The following PLS1 variants were observed in gnomAD, a reference collection of about 807,000 sequenced individuals.
PLS1 encodes plastin 1, also known as plastin-1.
In PLS1, 32 loss-of-function variants were observed where a neutral mutation model predicts 73.7. The observed-to-expected ratio is 0.43, with a 90% CI of 0.33 to 0.58. The LOEUF (loss-of-function observed/expected upper bound fraction) is 0.58, where lower values mean the gene tolerates loss of function less well. PLS1 is among the 20% of genes least tolerant of loss of function. The probability of loss-of-function intolerance (pLI) is 0.04; values close to 1 mark genes in which losing one functional copy is unlikely to be tolerated. For missense variants in PLS1, 633 were observed against 740.5 expected, an observed-to-expected ratio of 0.85 and a Z score of 1.68; for synonymous variants, 217 against 261.3, an observed-to-expected ratio of 0.83 and a Z score of 1.63.
Position 142,600,982 on chromosome 3 carries a change from G to GGC in PLS1, c.-37+4476_-37+4477dup, listed in dbSNP as rs1379731560. On this transcript the variant is annotated intron_variant, in intron 1 of 15. Coordinates refer to ENST00000457734, the MANE Select transcript of PLS1 (RefSeq NM_001145319.2). ...TCTGTGGCCCAGGCGGGAGTGCAGTGGCGCAATCTCGGCTCACTGCAAGCT... is the reference window on the plus strand; with the variant it reads ...TCTGTGGCCCAGGCGGGAGTGCAGTGGCGCGCAATCTCGGCTCACTGCAAGCT... Among the ~76,000 whole-genome samples, 198 of 131,670 alleles carry GGC rather than the reference G, an allele frequency of 1.5e-3. 1 individual carries two copies. The highest frequency in any genetic ancestry group is 5.2e-3 in the African/African-American group (181 of 34,764). 86.4% of individuals were successfully genotyped at this position (131,670 alleles called of 152,430 possible).
At chr3:142,668,901 C>A (rs78431202) in intron 2 of PLS1, among the ~76,000 whole-genome samples, 71 of 152,142 alleles carry the variant, frequency 4.7e-4, no homozygotes, top group Admixed American at 3.7e-3. Flanking sequence ...TGCGCCTGGC[C>A]CCCCCCATGC....
chr3:142,600,908 ATATATATATTTTTTTTTT>A (rs1238142589), intron 1 of PLS1, among the ~76,000 whole-genome samples: 4 of 27,530 alleles, frequency 1.5e-4, no homozygotes, highest in African/African-American at 1.0e-3. Flanking sequence ...ATATATATAT[ATATATATATTTTTTTTTT>A]TTTTTTTTTT....
intron 2 of PLS1, among the ~76,000 whole-genome samples, chr3:142,668,520 A>G (rs1353737403): frequency 1.3e-5 from 2 of 152,058 alleles, no homozygotes; most frequent in African/African-American, 4.8e-5. Context: ...TGGGGTCAGC[A>G]GATTTATTTT....
intron 1 of PLS1, among the ~76,000 whole-genome samples, chr3:142,605,669 T>C (rs1439633156): frequency 6.6e-6 from 1 of 152,260 alleles, no homozygotes; most frequent in Non-Finnish European, 1.5e-5. Context: ...CTTCTGTTAC[T>C]GACCATATGA....
intron 10 of PLS1, among the ~76,000 whole-genome samples, chr3:142,690,564 T>C (rs919071758): frequency 1.1e-4 from 16 of 152,326 alleles, no homozygotes; most frequent in Admixed American, 2.6e-4. Context: ...TGATGGGATA[T>C]TGTAGTTGTA....
chr3:142,659,838 A>C (rs2037328427), intron 1 of PLS1, among the ~76,000 whole-genome samples: 1 of 152,122 alleles, frequency 6.6e-6, no homozygotes, highest in Non-Finnish European at 1.5e-5. Context: ...CTGGGATTAC[A>C]GGTGTGTGCC....
chr3:142,686,232 C>T (rs2037961589), intron 8 of PLS1, 52 bp from the exon 9 acceptor site: 8 of 1,065,160 alleles, frequency 7.5e-6, no homozygotes, highest in Non-Finnish European at 1.0e-5. Flanking sequence ...TCCCTAAATT[C>T]AATGATGATT....
chr3:142,649,270 A>G (rs2037026590), intron 1 of PLS1, among the ~76,000 whole-genome samples: 1 of 145,754 alleles, frequency 6.9e-6, no homozygotes, highest in African/African-American at 2.6e-5. Context: ...CTGGAGTTCC[A>G]GGCTGCAGTG....
chr3:142,613,902 C>T (rs1005053821), intron 1 of PLS1, among the ~76,000 whole-genome samples: 2 of 152,154 alleles, frequency 1.3e-5, no homozygotes, highest in Admixed American at 6.5e-5. Context: ...CCAAAAACAA[C>T]ATACTTTTAT....
chr3:142,649,536 G>A (rs1247214226), intron 1 of PLS1, among the ~76,000 whole-genome samples: 20 of 151,970 alleles, frequency 1.3e-4, no homozygotes, highest in Admixed American at 1.2e-3. Flanking sequence ...TACTAGGGAG[G>A]CTGTGGCAGG....
intron 1 of PLS1, among the ~76,000 whole-genome samples, chr3:142,647,287 A>T (rs756361803): frequency 3.3e-5 from 5 of 152,348 alleles, no homozygotes; most frequent in African/African-American, 4.8e-5. Context: ...TCAACTTATC[A>T]CCTTAGGAGT....
chr3:142,677,512 C>T (rs879494638), intron 5 of PLS1, among the ~76,000 whole-genome samples: 4 of 151,904 alleles, frequency 2.6e-5, no homozygotes, highest in Admixed American at 6.6e-5. Context: ...TGAGAGGTGG[C>T]ACACACCTGT....
intron 14 of PLS1, among the ~76,000 whole-genome samples, chr3:142,708,894 A>G (rs953641): frequency 0.31 from 47,170 of 152,096 alleles, 9,398 homozygotes; most frequent in African/African-American, 0.58. Flanking sequence ...AATCTTTAGA[A>G]ACTTAAATTC....
At chr3:142,674,466 T>A (rs1312575554) in intron 4 of PLS1, among the ~76,000 whole-genome samples, 1 of 152,168 alleles carries the variant, frequency 6.6e-6, no homozygotes, top group African/African-American at 2.4e-5. Flanking sequence ...GAAGGCCAAA[T>A]CATTATGTGC....
chr3:142,618,488 C>T (rs781349912), intron 1 of PLS1, among the ~76,000 whole-genome samples: 1 of 152,248 alleles, frequency 6.6e-6, no homozygotes, highest in Non-Finnish European at 1.5e-5. Context: ...AGGCTAAAGT[C>T]AACACAGCAG....
chr3:142,652,806 G>T lies in PLS1; in HGVS notation c.-36-11396G>T, dbSNP rs1353906268. On this transcript the variant is annotated intron_variant, in intron 1 of 15. Coordinates refer to ENST00000457734, the MANE Select transcript of PLS1 (RefSeq NM_001145319.2). ...TTGTTTGTTTGCTTGTTTGTTTTTG[G>T]CATGCTGATTTAACCATTCAGTAAG... Among the ~76,000 whole-genome samples the T allele has an allele frequency of 5.9e-5, 9 of 152,208 alleles. 1 individual carries two copies. In the South Asian group the frequency reaches 1.2e-3, roughly 21 times the overall value.
At chr3:142,623,635 T>A (rs2036359731) in intron 1 of PLS1, 1 of 152,216 alleles carries the variant, frequency 6.6e-6, no homozygotes. Flanking sequence ...CATATAATTG[T>A]TAAATTGAGA....
intron 1 of PLS1, among the ~76,000 whole-genome samples, chr3:142,631,233 G>T (rs907056888): frequency 6.6e-6 from 1 of 151,216 alleles, no homozygotes; most frequent in Non-Finnish European, 1.5e-5. Context: ...AAAAAAAAAA[G>T]GCCAGCATGG....
At chr3:142,683,276 G>A (rs1300680417) in intron 6 of PLS1, among the ~76,000 whole-genome samples, 4 of 152,168 alleles carry the variant, frequency 2.6e-5, no homozygotes, top group Admixed American at 1.3e-4. Context: ...AGGCCGAGGC[G>A]GGCAGATTAC....
Sources: allele counts gnomAD v4.1 joint callset (sites outside exome capture counted in the v4.1 genomes callset), GRCh38; gene constraint gnomAD v4.1.1; transcripts MANE v1.5; gene names NCBI Gene and HGNC (gene_info 2026-07-23, HGNC 2026-07-21).